Variants in CGAS observed in about 807,000 individuals in gnomAD.
CGAS encodes the protein 2'3'-cGAMP synthase.
Under a neutral mutation model 34.0 loss-of-function variants are expected in CGAS, and 31 were observed. That is an observed-to-expected ratio of 0.91 (90% confidence interval 0.69 to 1.23). The LOEUF (loss-of-function observed/expected upper bound fraction) is 1.23. Ranked by LOEUF, CGAS falls within the 50% of genes most tolerant of loss-of-function variation. The pLI, the probability that CGAS is intolerant of heterozygous loss-of-function variation, is 0.00. For synonymous variants in CGAS, 266 were observed against 260.0 expected, an observed-to-expected ratio of 1.02 and a Z score of -0.22; for missense variants, 597 against 657.6, an observed-to-expected ratio of 0.91 and a Z score of 1.01.
rs71573596 is a variant in CGAS at position 73,424,356 on chromosome 6, C to A, written c.*871G>T. On this transcript the variant is annotated 3_prime_UTR_variant, in exon 5 of 5. Transcript: ENST00000370315. Reference sequence around the variant, plus strand: ...GGCTGAGGCAGGAGAATGGCATGAACCCAGGAAGCAGAGCTTGCAGTGAGC... The same window carrying A: ...GGCTGAGGCAGGAGAATGGCATGAAACCAGGAAGCAGAGCTTGCAGTGAGC... The A allele has an allele frequency of 0.064, 9,739 of 151,616 alleles. 439 individuals carry two copies. Among genetic ancestry groups the A allele is most frequent in the Middle Eastern group, 0.14 (41 of 294 alleles). The allele number at this position is 151,616 out of a possible 1,614,324, so 9.4% of individuals were successfully genotyped here.
chr6:73,441,292 A>C (rs1225876891), intron 2 of CGAS, among the ~76,000 whole-genome samples: 2 of 151,900 alleles, frequency 1.3e-5, no homozygotes, highest in African/African-American at 4.8e-5. Flanking sequence ...GAATGGAGGG[A>C]AGCCTAGAGG....
intron 3 of CGAS, among the ~76,000 whole-genome samples, chr6:73,429,206 G>A (rs1399338570): frequency 4.1e-5 from 6 of 146,624 alleles, no homozygotes; most frequent in Admixed American, 6.8e-5. Context: ...AAAAAAGAAA[G>A]AAAGAAAAAG....
At chr6:73,435,213 T>C (rs1390196897) in intron 3 of CGAS, among the ~76,000 whole-genome samples, 1 of 152,140 alleles carries the variant, frequency 6.6e-6, no homozygotes, top group Non-Finnish European at 1.5e-5. Context: ...GAACTCTCTG[T>C]ACTATCTTCA....
chr6:73,425,463 C>G lies in CGAS; in HGVS notation c.1333G>C (p.Val445Leu). 6.2e-7 allele frequency: 1 copy of G among 1,614,028 alleles called. No individual in the cohort carries two copies. The highest frequency in any genetic ancestry group is 8.5e-7 in the Non-Finnish European group (1 of 1,180,016). ...SYHVKTAFFH[V>L]CTQNPQDSQW... ...CTGTCTTGAGGGTTCTGGGTACATA[C>G]GTGAAAGAAGGCAGTTTTCACATGA... Residue 445 changes from valine (V) to leucine (L), a missense_variant, in exon 5 of 5, where the codon GTA becomes CTA. This residue lies in a region of CGAS where 271 missense variants were observed against 324.1 expected (regional missense o/e 0.84). Coordinates refer to ENST00000370315, the MANE Select transcript of CGAS (RefSeq NM_138441.3).
rs896145491 is a variant in CGAS at position 73,424,978 on chromosome 6, C to T, written c.*249G>A. 1.1e-5 allele frequency: 3 copies of T among 269,204 alleles called. No homozygotes were observed. The highest frequency in any genetic ancestry group is 7.0e-6 in the Non-Finnish European group (1 of 142,566). The allele number at this position is 269,204 out of a possible 1,614,324, so 16.7% of individuals were successfully genotyped here. A position where few individuals can be genotyped will look rare whatever the true frequency, so the allele number is the denominator to read the frequency against. On this transcript the variant is annotated 3_prime_UTR_variant, in exon 5 of 5. Transcript: ENST00000370315. ...AAGTGATTCTCATGTCTAAGCCTCC[C>T]GAGTAGCTGGGATTACAGGCATGCA...
At chr6:73,429,602 G>T (rs570998567) in intron 3 of CGAS, among the ~76,000 whole-genome samples, 1 of 151,968 alleles carries the variant, frequency 6.6e-6, no homozygotes, top group Non-Finnish European at 1.5e-5. Context: ...CAAGGTGGGC[G>T]GATCACAAGG....
At chr6:73,437,955 G>C (rs966008107) in intron 3 of CGAS, among the ~76,000 whole-genome samples, 2 of 152,184 alleles carry the variant, frequency 1.3e-5, no homozygotes, top group Admixed American at 1.3e-4. Flanking sequence ...TGTAGTCCCA[G>C]CTACTCGAGA....
chr6:73,444,255 T>A (rs1374355002), intron 2 of CGAS, among the ~76,000 whole-genome samples: 1 of 152,010 alleles, frequency 6.6e-6, no homozygotes, highest in Non-Finnish European at 1.5e-5. Flanking sequence ...CCCAAAGTGC[T>A]GGGATTACAG....
At chr6:73,431,207 A>G (rs1770190802) in intron 3 of CGAS, among the ~76,000 whole-genome samples, 3 of 152,134 alleles carry the variant, frequency 2.0e-5, no homozygotes, top group Admixed American at 6.6e-5. Context: ...ACAGTGGCTC[A>G]CTCCTGTAAT....
Position 73,425,219 on chromosome 6 carries a change from A to C in CGAS, c.*8T>G. 6.5e-7 allele frequency: 1 copy of C among 1,542,778 alleles called. No homozygotes were observed. On this transcript the variant is annotated 3_prime_UTR_variant, in exon 5 of 5. Coordinates refer to ENST00000370315, the MANE Select transcript of CGAS (RefSeq NM_138441.3). ...CTCTAGTTCTTAGATCTTTCTAAAAATACAATCTCAAAATTCATCAAAAAC... is the reference window on the plus strand; with the variant it reads ...CTCTAGTTCTTAGATCTTTCTAAAACTACAATCTCAAAATTCATCAAAAAC...
chr6:73,434,134 A>G (rs1770240000), intron 3 of CGAS, among the ~76,000 whole-genome samples: 1 of 152,236 alleles, frequency 6.6e-6, no homozygotes, highest in Non-Finnish European at 1.5e-5. Flanking sequence ...TTTTAATGGG[A>G]CAGAATAAAG....
chr6:73,445,791 A>G (rs1770459123), intron 1 of CGAS, 44 bp from the exon 2 acceptor site: 2 of 1,425,244 alleles, frequency 1.4e-6, no homozygotes, highest in Admixed American at 4.5e-5. Flanking sequence ...GCTTATGAAT[A>G]TTTTCCAAGT....
At chr6:73,446,023 C>T (rs907737509) in intron 1 of CGAS, among the ~76,000 whole-genome samples, 2 of 152,072 alleles carry the variant, frequency 1.3e-5, no homozygotes, top group African/African-American at 2.4e-5. Flanking sequence ...TGCAGTGGCT[C>T]ACACCTATAA....
intron 2 of CGAS, among the ~76,000 whole-genome samples, chr6:73,444,445 A>G (rs1770435766): frequency 6.6e-6 from 1 of 151,830 alleles, no homozygotes; most frequent in Non-Finnish European, 1.5e-5. Flanking sequence ...AGTAGCTGGG[A>G]TTACAGACAT....
chr6:73,445,232 T>C (rs189930288), intron 2 of CGAS, among the ~76,000 whole-genome samples: 29 of 152,086 alleles, frequency 1.9e-4, no homozygotes, highest in Admixed American at 1.2e-3. Flanking sequence ...GATTATTTCA[T>C]ATAATTTAAT....
rs1451941695 is a variant in CGAS, at chr6:73,452,135, C to T, written c.47G>A (p.Gly16Glu). ...GKAMQRASEA[G>E]ATAPKASARN... ...TGCGGAAGCCTTGGGGGCAGTGGCT[C>T]CGGCCTCGGAAGCTCTCTGCATGGC... The change falls in exon 1 of 5, where the codon GGA becomes GAA. Residue 16 changes from glycine (G) to glutamate (E), a missense_variant. By Grantham distance (98) the Gly-to-Glu change is moderately conservative (BLOSUM62 -2). Around this residue, in one of 3 missense-constraint regions of CGAS, gnomAD observed 321 missense variants for 314.3 expected, o/e 1.02. Coordinates refer to ENST00000370315, the MANE Select transcript of CGAS (RefSeq NM_138441.3). 1.9e-6 allele frequency: 3 copies of T among 1,607,142 alleles called. No individual in the cohort carries two copies. Among genetic ancestry groups the T allele is most frequent in the Non-Finnish European group, 2.5e-6 (3 of 1,177,506 alleles).
intron 2 of CGAS, among the ~76,000 whole-genome samples, chr6:73,443,278 C>A (rs1027974124): frequency 1.6e-5 from 2 of 124,704 alleles, no homozygotes; most frequent in African/African-American, 6.0e-5. Flanking sequence ...CTCACTCTGT[C>A]GCCCAGGCTG....
At chr6:73,448,926 C>A (rs1770512408) in intron 1 of CGAS, among the ~76,000 whole-genome samples, 2 of 151,632 alleles carry the variant, frequency 1.3e-5, no homozygotes, top group African/African-American at 4.8e-5. Flanking sequence ...CTTATCTCTA[C>A]TAAAAATACA....
At position 73,425,133 on chromosome 6, in the gene CGAS, G is replaced by A; in HGVS notation, c.*94C>T. On this transcript the variant is annotated 3_prime_UTR_variant, in exon 5 of 5. Coordinates refer to ENST00000370315, the MANE Select transcript of CGAS (RefSeq NM_138441.3). ...CCTCCAAAGAGCTGGGATTACAGGT[G>A]TGAGCCACAGCGTCTGGCCCCTTTT... 1 of 929,164 alleles carries A rather than the reference G, an allele frequency of 1.1e-6. No homozygotes were observed. The highest frequency in any genetic ancestry group is 1.6e-6 in the Non-Finnish European group (1 of 634,192). 57.6% of individuals were successfully genotyped at this position (929,164 alleles called of 1,614,324 possible).
Sources: allele counts gnomAD v4.1 joint callset (sites outside exome capture counted in the v4.1 genomes callset), GRCh38; gene constraint gnomAD v4.1.1; regional missense constraint gnomAD v4.1.1; transcripts MANE v1.5; gene names NCBI Gene and HGNC (gene_info 2026-07-23, HGNC 2026-07-21).